Variants in GFOD1 observed in about 807,000 individuals in gnomAD.
GFOD1 encodes the protein Gfo/Idh/MocA-like oxidoreductase domain containing 1.
A neutral mutation model predicts 25.4 loss-of-function variants in GFOD1; 9 were observed. The ratio of observed to expected loss-of-function variants is 0.35; its 90% confidence interval spans 0.21 to 0.62. The LOEUF is 0.62. Among genes scored for constraint, GFOD1 ranks in the 20% least tolerant of loss-of-function variants. The probability of loss-of-function intolerance (pLI) is 0.72; values close to 1 mark genes in which losing one functional copy is unlikely to be tolerated. For missense variants in GFOD1, 403 were observed against 556.9 expected, an observed-to-expected ratio of 0.72 and a Z score of 2.78; for synonymous variants, 253 against 245.6, an observed-to-expected ratio of 1.03 and a Z score of -0.28.
chr6:13,418,423 A>G (rs1451883520), intron 1 of GFOD1, among the ~76,000 whole-genome samples: 1 of 152,248 alleles, frequency 6.6e-6, no homozygotes, highest in Non-Finnish European at 1.5e-5. Context: ...ATATGCAGCC[A>G]TCAGGGATGA....
Position 13,374,129 on chromosome 6 carries a change from A to G in GFOD1, c.254-8467T>C, listed in dbSNP as rs147107173. On this transcript the variant is annotated intron_variant, in intron 1 of 1. Coordinates refer to ENST00000379287, the MANE Select transcript of GFOD1 (RefSeq NM_018988.4). ...CAGGTACTTGTCCTGTTCCCATCTT[A>G]CAGATGTGGAAACTGAGCCTCTGAG... Among the ~76,000 whole-genome samples the G allele has an allele frequency of 4.6e-5, 7 of 152,260 alleles. No homozygotes were observed. The East Asian group carries it at 1.4e-3, about 29-fold the overall frequency.
intron 1 of GFOD1, among the ~76,000 whole-genome samples, chr6:13,424,323 G>A (rs1786313354): frequency 6.6e-6 from 1 of 152,146 alleles, no homozygotes; most frequent in Non-Finnish European, 1.5e-5. Context: ...TTCTTTAACA[G>A]ATTTGCCAAA....
At chr6:13,470,731 C>T in intron 1 of GFOD1, 1 of 1,422,148 alleles carries the variant, frequency 7.0e-7, no homozygotes, top group Non-Finnish European at 9.2e-7. Context: ...AAGAGCCTGC[C>T]AGGGACACAT....
rs538786600 is a variant in GFOD1, at chr6:13,407,408, C to T, written c.254-41746G>A. Among the ~76,000 whole-genome samples the T allele has an allele frequency of 3.9e-5, 6 of 152,322 alleles. No homozygotes were observed. In the South Asian group the frequency reaches 6.2e-4, roughly 16 times the overall value. On this transcript the variant is annotated intron_variant, in intron 1 of 1. Transcript: ENST00000379287. The stretch of plus-strand genomic sequence containing the variant: ...AGAATCTTACACCCCTACCAGCTCC[C>T]GGGCCTCAAAGACTACATCTTCCTC...
intron 1 of GFOD1, among the ~76,000 whole-genome samples, chr6:13,403,109 G>A (rs1219955237): frequency 1.5e-5 from 2 of 131,876 alleles, no homozygotes; most frequent in Admixed American, 1.5e-4. Flanking sequence ...TGTGTGTGTG[G>A]TTTTTTTTTT....
At chr6:13,459,432 A>G (rs1584664720) in intron 1 of GFOD1, among the ~76,000 whole-genome samples, 1 of 152,092 alleles carries the variant, frequency 6.6e-6, no homozygotes, top group African/African-American at 2.4e-5. Context: ...AATACCATTA[A>G]GGATATAGGC....
At chr6:13,412,206 T>C (rs1396666349) in intron 1 of GFOD1, among the ~76,000 whole-genome samples, 1 of 152,198 alleles carries the variant, frequency 6.6e-6, no homozygotes, top group Admixed American at 6.5e-5. Context: ...AATGTGACTA[T>C]ATTTGGAGAC....
intron 1 of GFOD1, among the ~76,000 whole-genome samples, chr6:13,448,771 T>G (rs1164585842): frequency 6.6e-6 from 1 of 152,196 alleles, no homozygotes; most frequent in East Asian, 1.9e-4. Flanking sequence ...AAACAGCCTC[T>G]GAGGGTCATG....
intron 1 of GFOD1, among the ~76,000 whole-genome samples, chr6:13,428,275 G>A (rs1043268034): frequency 6.6e-6 from 1 of 152,188 alleles, no homozygotes; most frequent in Non-Finnish European, 1.5e-5. Context: ...AGCCCATGCT[G>A]AATTTCTCTG....
At chr6:13,408,428 T>C (rs1785985573) in intron 1 of GFOD1, among the ~76,000 whole-genome samples, 1 of 152,194 alleles carries the variant, frequency 6.6e-6, no homozygotes, top group Admixed American at 6.5e-5. Flanking sequence ...GAAGCGAGAA[T>C]AGCTTTTCTA....
intron 1 of GFOD1, among the ~76,000 whole-genome samples, chr6:13,447,991 T>C (rs1758034533): frequency 6.8e-6 from 1 of 148,112 alleles, no homozygotes. Context: ...TGGTAGAATT[T>C]GGGGTGGATT....
At chr6:13,384,508 G>A (rs1353495064) in intron 1 of GFOD1, among the ~76,000 whole-genome samples, 1 of 152,166 alleles carries the variant, frequency 6.6e-6, no homozygotes, top group Non-Finnish European at 1.5e-5. Flanking sequence ...ATAAGTTCCT[G>A]AAACGTAGGA....
intron 1 of GFOD1, among the ~76,000 whole-genome samples, chr6:13,424,275 T>A: frequency 6.6e-6 from 1 of 152,216 alleles, no homozygotes; most frequent in East Asian, 1.9e-4. Context: ...GAGGCTGCCC[T>A]CACATAACCC....
At chr6:13,446,829 T>A (rs1278077481) in intron 1 of GFOD1, among the ~76,000 whole-genome samples, 1 of 152,202 alleles carries the variant, frequency 6.6e-6, no homozygotes, top group Non-Finnish European at 1.5e-5. Context: ...GAGCCTTTTC[T>A]CCTTTCACCA....
At chr6:13,370,154 C>A (rs950764445) in intron 1 of GFOD1, among the ~76,000 whole-genome samples, 23 of 152,218 alleles carry the variant, frequency 1.5e-4, no homozygotes, top group Admixed American at 9.2e-4. Flanking sequence ...CCCCAGAGAG[C>A]TGGTAGAAGG....
At chr6:13,396,435 A>G (rs1311645665) in intron 1 of GFOD1, among the ~76,000 whole-genome samples, 1 of 152,234 alleles carries the variant, frequency 6.6e-6, no homozygotes, top group Non-Finnish European at 1.5e-5. Flanking sequence ...CCATAGCATC[A>G]TCACCTACAG....
rs1758900667 is a variant in GFOD1, at chr6:13,487,478, C to G, written c.-588G>C. On this transcript the variant is annotated 5_prime_UTR_variant, in exon 1 of 2. Transcript: ENST00000379287. This position sits in a 1 kb window ranked among gnomAD's most constrained non-coding sequence, Gnocchi z 4.9. ...AGGATGCGGCCCGGAGCGCGCCGGACTGGGATCCCGAGCTGCAGCGCGGCA... is the reference window on the plus strand; with the variant it reads ...AGGATGCGGCCCGGAGCGCGCCGGAGTGGGATCCCGAGCTGCAGCGCGGCA... 1 of 152,138 alleles carries G rather than the reference C, an allele frequency of 6.6e-6. No individual in the cohort carries two copies. Among genetic ancestry groups the G allele is most frequent in the Non-Finnish European group, 1.5e-5 (1 of 68,054 alleles). The allele number at this position is 152,138 out of a possible 1,614,324, so 9.4% of individuals were successfully genotyped here.
At chr6:13,444,107 C>T (rs1423500569) in intron 1 of GFOD1, among the ~76,000 whole-genome samples, 1 of 152,146 alleles carries the variant, frequency 6.6e-6, no homozygotes, top group Non-Finnish European at 1.5e-5. Context: ...TGGAATCGAT[C>T]TAAATGCTCA....
At chr6:13,453,119 G>T (rs186979425) in intron 1 of GFOD1, among the ~76,000 whole-genome samples, 4 of 152,302 alleles carry the variant, frequency 2.6e-5, no homozygotes, top group East Asian at 1.9e-4. Flanking sequence ...ATCAAAGAAA[G>T]AATTCAATTT....
Sources: gnomAD v4.1 joint callset for allele counts (sites outside exome capture counted in the v4.1 genomes callset) on GRCh38, gnomAD v4.1.1 for gene constraint, Gnocchi (gnomAD v3.1) non-coding constraint, MANE v1.5 for transcripts, NCBI Gene and HGNC (gene_info 2026-07-23, HGNC 2026-07-21) for gene names.